The following MCCC1 variants were observed in gnomAD, a reference collection of about 807,000 sequenced individuals.
MCCC1 encodes the protein methylcrotonyl-CoA carboxylase subunit 1.
In MCCC1, 64 loss-of-function variants were observed where a neutral mutation model predicts 83.8. The observed-to-expected ratio is 0.76, with a 90% CI of 0.62 to 0.94. MCCC1 has a LOEUF of 0.94. MCCC1 is among the 40% of genes least tolerant of loss of function. The probability of loss-of-function intolerance (pLI) is 0.00; values close to 1 mark genes in which losing one functional copy is unlikely to be tolerated. For synonymous variants in MCCC1, 322 were observed against 315.4 expected (o/e 1.02, Z -0.22); for missense variants, 807 against 904.7 (o/e 0.89, Z 1.39).
intron 12 of MCCC1, among the ~76,000 whole-genome samples, chr3:183,038,012 T>C (rs142678396): frequency 5.7e-4 from 87 of 152,302 alleles, no homozygotes; most frequent in African/African-American, 1.9e-3. Context: ...GAGCTTTGGG[T>C]TCATTCATTC....
chr3:183,059,163 C>T (rs966239303), intron 7 of MCCC1, among the ~76,000 whole-genome samples: 1 of 151,984 alleles, frequency 6.6e-6, no homozygotes, highest in Non-Finnish European at 1.5e-5. Flanking sequence ...AAAAATTAGC[C>T]AGGTGTGGTG....
intron 1 of MCCC1, among the ~76,000 whole-genome samples, chr3:183,112,304 T>C (rs932038571): frequency 1.3e-5 from 2 of 152,166 alleles, no homozygotes; most frequent in Admixed American, 1.3e-4. Context: ...GGACAGAAGG[T>C]AGGGTGTTTC....
At chr3:183,018,274 T>C (rs373292080) in intron 17 of MCCC1, among the ~76,000 whole-genome samples, 307 of 65,820 alleles carry the variant, frequency 4.7e-3, no homozygotes, top group African/African-American at 7.3e-3. Flanking sequence ...GGCCTACAGG[T>C]CAAATGTACT....
At chr3:183,112,485 T>G (rs1000640239) in intron 1 of MCCC1, among the ~76,000 whole-genome samples, 1 of 151,400 alleles carries the variant, frequency 6.6e-6, no homozygotes, top group African/African-American at 2.4e-5. Context: ...TGCATATGAG[T>G]TTTTCTCCCC....
chr3:183,048,160 T>C (rs1207148489), intron 9 of MCCC1, among the ~76,000 whole-genome samples: 2 of 151,948 alleles, frequency 1.3e-5, no homozygotes, highest in Non-Finnish European at 1.5e-5. Flanking sequence ...GGAGAGGAAA[T>C]TGGATCATAG....
At chr3:183,071,581 T>C (rs1040796903) in intron 5 of MCCC1, among the ~76,000 whole-genome samples, 7 of 152,204 alleles carry the variant, frequency 4.6e-5, no homozygotes, top group Non-Finnish European at 8.8e-5. Context: ...AATACTAATA[T>C]ATTGATTAGA....
At chr3:183,020,033 G>T in intron 17 of MCCC1, 97 bp downstream of exon 17, 1 of 918,734 alleles carries the variant, frequency 1.1e-6, no homozygotes, top group Non-Finnish European at 1.8e-6. Flanking sequence ...TTTCCAATGA[G>T]CAAGGTTTAG....
intron 9 of MCCC1, 108 bp from the exon 10 acceptor site, chr3:183,045,648 T>A: frequency 8.7e-7 from 1 of 1,149,096 alleles, no homozygotes; most frequent in Non-Finnish European, 1.3e-6. Flanking sequence ...CATTCAATGG[T>A]AACACTTTGC....
intron 10 of MCCC1, 100 bp downstream of exon 10, chr3:183,045,313 C>A: frequency 7.1e-7 from 1 of 1,404,508 alleles, no homozygotes. Context: ...CTCCTGACCT[C>A]AGGTGATCCA....
chr3:183,071,181 T>C (rs754364901), intron 6 of MCCC1, 29 bp downstream of exon 6: 39 of 1,614,096 alleles, frequency 2.4e-5, no homozygotes, highest in Non-Finnish European at 3.3e-5. Flanking sequence ...CAAGCCTGAA[T>C]TGGCAAACAC....
intron 7 of MCCC1, among the ~76,000 whole-genome samples, chr3:183,068,914 T>G (rs189839241): frequency 2.5e-3 from 383 of 152,318 alleles, no homozygotes; most frequent in African/African-American, 7.4e-3. Context: ...GACTATACTA[T>G]CTCAGTTTGT....
intron 4 of MCCC1, among the ~76,000 whole-genome samples, chr3:183,084,431 A>C (rs112056778): frequency 6.6e-6 from 1 of 152,290 alleles, no homozygotes; most frequent in African/African-American, 2.4e-5. Flanking sequence ...TGTGAGATAC[A>C]TATGTATATC....
intron 2 of MCCC1, among the ~76,000 whole-genome samples, chr3:183,093,296 T>C (rs973598563): frequency 2.0e-5 from 3 of 152,236 alleles, no homozygotes; most frequent in Non-Finnish European, 4.4e-5. Context: ...AAATAGATAC[T>C]ATCATTGTTA....
At chr3:183,103,634 C>A (rs146916190), upstream of MCCC1, among the ~76,000 whole-genome samples, 3 of 152,192 alleles carry the variant, frequency 2.0e-5, no homozygotes, top group African/African-American at 4.8e-5. Flanking sequence ...CTGAGCTAGA[C>A]GTAAAGGTTC....
intron 14 of MCCC1, among the ~76,000 whole-genome samples, chr3:183,032,442 A>G (rs1051731084): frequency 6.6e-6 from 1 of 152,240 alleles, no homozygotes; most frequent in Non-Finnish European, 1.5e-5. Flanking sequence ...CATTTGCAGA[A>G]TGCTACTATA....
At chr3:183,065,371 G>A (rs1716177893) in intron 7 of MCCC1, among the ~76,000 whole-genome samples, 1 of 152,164 alleles carries the variant, frequency 6.6e-6, no homozygotes, top group African/African-American at 2.4e-5. Flanking sequence ...CTGTTTGTCT[G>A]TGTATTTATA....
intron 1 of MCCC1, among the ~76,000 whole-genome samples, chr3:183,109,015 A>G (rs1719449139): frequency 6.6e-6 from 1 of 151,668 alleles, no homozygotes; most frequent in African/African-American, 2.4e-5. Flanking sequence ...TTTGAGATGG[A>G]GTTTTCCTCT....
intron 17 of MCCC1, among the ~76,000 whole-genome samples, chr3:183,018,096 A>C (rs1275958506): frequency 6.7e-6 from 1 of 150,330 alleles, no homozygotes; most frequent in African/African-American, 2.4e-5. Context: ...TCGTCAAATA[A>C]GAGGCCTACA....
intron 7 of MCCC1, among the ~76,000 whole-genome samples, chr3:183,065,127 A>G (rs946596585): frequency 1.3e-5 from 2 of 152,192 alleles, no homozygotes; most frequent in Non-Finnish European, 1.5e-5. Context: ...ACCTTAGGAT[A>G]AAACACAGGC....
Sources: allele counts gnomAD v4.1 joint callset (sites outside exome capture counted in the v4.1 genomes callset), GRCh38; gene constraint gnomAD v4.1.1; transcripts MANE v1.5; gene names NCBI Gene and HGNC (gene_info 2026-07-23, HGNC 2026-07-21).